CPNE4: variants seen among roughly 807,000 people sequenced by gnomAD.
The protein encoded by CPNE4 is copine-4.
CPNE4 carries 25 observed loss-of-function variants against 67.9 expected under a neutral mutation model. The ratio of observed to expected loss-of-function variants is 0.37; its 90% CI spans 0.27 to 0.51. The LOEUF (loss-of-function observed/expected upper bound fraction) is 0.51, where lower values mean the gene tolerates loss of function less well. CPNE4 is among the 20% of genes least tolerant of loss of function. The pLI is 0.93. For synonymous variants in CPNE4, 242 were observed against 244.9 expected (o/e 0.99, Z 0.11); for missense variants, 464 against 690.8 (o/e 0.67, Z 3.68).
At chr3:131,794,353 T>A (rs1047006585) in intron 2 of CPNE4, among the ~76,000 whole-genome samples, 1 of 152,060 alleles carries the variant, frequency 6.6e-6, no homozygotes, top group African/African-American at 2.4e-5. Context: ...CAAGGGATTC[T>A]CCTGCCTCAG....
chr3:131,687,176 T>G (rs11927565), intron 5 of CPNE4, among the ~76,000 whole-genome samples: 5,704 of 152,310 alleles, frequency 0.037, 355 homozygotes, highest in African/African-American at 0.13. Context: ...GTGTTTATAT[T>G]TGTTTTTAGT....
At chr3:131,973,146 G>C (rs530814202) in intron 1 of CPNE4, among the ~76,000 whole-genome samples, 1 of 152,088 alleles carries the variant, frequency 6.6e-6, no homozygotes, top group Non-Finnish European at 1.5e-5. Flanking sequence ...AAGTCATTTT[G>C]TACAACGGAT....
intron 6 of CPNE4, among the ~76,000 whole-genome samples, chr3:131,676,037 AT>A (rs2080553877): frequency 1.2e-5 from 1 of 81,470 alleles, no homozygotes; most frequent in African/African-American, 7.9e-5. Context: ...ACCTATTATT[AT>A]TATTATTATT....
At chr3:131,754,239 G>A (rs2082700545) in intron 2 of CPNE4, among the ~76,000 whole-genome samples, 1 of 151,992 alleles carries the variant, frequency 6.6e-6, no homozygotes, top group South Asian at 2.1e-4. Flanking sequence ...ATTATTTTGT[G>A]TGTCAATATC....
intron 2 of CPNE4, among the ~76,000 whole-genome samples, chr3:131,823,815 T>C (rs1204150572): frequency 6.6e-6 from 1 of 152,210 alleles, no homozygotes; most frequent in East Asian, 1.9e-4. Context: ...GCAAGCCAGA[T>C]GTTTCTTATC....
chr3:131,920,601 A>C (rs1372606553), intron 1 of CPNE4, among the ~76,000 whole-genome samples: 1 of 151,874 alleles, frequency 6.6e-6, no homozygotes, highest in Admixed American at 6.6e-5. Flanking sequence ...TTATTTTGAA[A>C]TTTTCTATAA....
At chr3:131,706,229 A>C (rs1442690994) in intron 3 of CPNE4, among the ~76,000 whole-genome samples, 7 of 152,192 alleles carry the variant, frequency 4.6e-5, no homozygotes, top group Non-Finnish European at 1.0e-4. Context: ...TCCCACTTTG[A>C]GATACTATAG....
intron 2 of CPNE4, among the ~76,000 whole-genome samples, chr3:131,896,744 T>C (rs1364238165): frequency 6.6e-6 from 1 of 152,082 alleles, no homozygotes; most frequent in Non-Finnish European, 1.5e-5. Flanking sequence ...ACTTGATACC[T>C]CCTGGTGCCA....
At chr3:131,825,209 A>G (rs2085105517) in intron 2 of CPNE4, among the ~76,000 whole-genome samples, 1 of 152,020 alleles carries the variant, frequency 6.6e-6, no homozygotes, top group African/African-American at 2.4e-5. Context: ...AAAAAGTGGT[A>G]ATTTCTGGCC....
chr3:131,630,346 A>G (rs1467553135), intron 7 of CPNE4, among the ~76,000 whole-genome samples: 1 of 152,232 alleles, frequency 6.6e-6, no homozygotes, highest in Non-Finnish European at 1.5e-5. Context: ...ACCAATGGCA[A>G]CTGGTACTCT....
chr3:131,854,756 C>T (rs534160220), intron 2 of CPNE4, among the ~76,000 whole-genome samples: 4 of 151,206 alleles, frequency 2.6e-5, no homozygotes, highest in Non-Finnish European at 4.4e-5. Context: ...TCTTTTCCTC[C>T]GTTCTTCCTT....
At chr3:132,000,101 C>T (rs1214572482) in intron 1 of CPNE4, among the ~76,000 whole-genome samples, 4 of 149,798 alleles carry the variant, frequency 2.7e-5, no homozygotes, top group African/African-American at 9.8e-5. Context: ...AAGAAGCTTG[C>T]AAAAATAGTT....
chr3:131,550,107 A>T (rs748113456), intron 13 of CPNE4, 27 bp from the exon 14 acceptor site: 3 of 1,611,648 alleles, frequency 1.9e-6, no homozygotes, highest in Non-Finnish European at 2.5e-6. Flanking sequence ...AAAGATCAAC[A>T]GCTCCAGAGT....
chr3:131,980,879 T>C (rs1455013652), intron 1 of CPNE4, among the ~76,000 whole-genome samples: 5 of 152,126 alleles, frequency 3.3e-5, no homozygotes, highest in East Asian at 3.9e-4. Flanking sequence ...TTGTCCCACA[T>C]GATGTTCCCT....
chr3:132,034,993 A>C lies in CPNE4; in HGVS notation c.-428T>G. ...TGGCGGGGAGATGGCAGCTTCTCACAGAGAGATTTCCACCTTCTGACGAAT... is the reference window on the plus strand; with the variant it reads ...TGGCGGGGAGATGGCAGCTTCTCACCGAGAGATTTCCACCTTCTGACGAAT... On this transcript the variant is annotated 5_prime_UTR_variant, in exon 1 of 16. Transcript: ENST00000429747. 1 of 982,628 alleles carries C rather than the reference A, an allele frequency of 1.0e-6. No individual in the cohort carries two copies. The highest frequency in any genetic ancestry group is 1.2e-6 in the Non-Finnish European group (1 of 829,990). 60.9% of individuals were successfully genotyped at this position (982,628 alleles called of 1,614,324 possible). A position where few individuals can be genotyped will look rare whatever the true frequency, so the allele number is the denominator to read the frequency against.
chr3:131,868,888 G>T (rs1268576545), intron 2 of CPNE4, among the ~76,000 whole-genome samples: 1 of 152,094 alleles, frequency 6.6e-6, no homozygotes, highest in Non-Finnish European at 1.5e-5. Context: ...TTAGAATTGA[G>T]TAGATATTGG....
rs553555764 is a variant in CPNE4 at position 132,007,131 on chromosome 3, T to G, written c.-2+27436A>C. Among the ~76,000 whole-genome samples the G allele has an allele frequency of 3.9e-5, 6 of 152,150 alleles. No individual in the cohort carries two copies. The East Asian group carries it at 1.2e-3, about 29-fold the overall frequency. The stretch of plus-strand genomic sequence containing the variant: ...ATGATCCATTCTTCTCTTGAAGAAA[T>G]GAGGAAGAAGAGCTAAGAGTATGAT... On this transcript the variant is annotated intron_variant, in intron 1 of 15. Coordinates refer to ENST00000429747, the MANE Select transcript of CPNE4 (RefSeq NM_130808.3).
intron 2 of CPNE4, among the ~76,000 whole-genome samples, chr3:131,758,112 A>G (rs2082797570): frequency 6.6e-6 from 1 of 152,204 alleles, no homozygotes; most frequent in East Asian, 1.9e-4. Context: ...GGCACCACCT[A>G]GTGCAGCATT....
chr3:131,792,678 TAC>T (rs1402923719), intron 2 of CPNE4, among the ~76,000 whole-genome samples: 2 of 61,548 alleles, frequency 3.2e-5, no homozygotes, highest in African/African-American at 6.2e-5. Flanking sequence ...TATACATATA[TAC>T]ACACGTGTAT....
Sources: gnomAD v4.1 joint callset for allele counts (sites outside exome capture counted in the v4.1 genomes callset) on GRCh38, gnomAD v4.1.1 for gene constraint, MANE v1.5 for transcripts, NCBI Gene and HGNC (gene_info 2026-07-23, HGNC 2026-07-21) for gene names.